The following CHSY3 variants were observed in gnomAD, a reference collection of about 807,000 sequenced individuals.
CHSY3 encodes the protein chondroitin sulfate synthase 3, also known as N-acetylgalactosaminyl-proteoglycan 3-beta-glucuronosyltransferase 3.
Under a neutral mutation model 67.2 loss-of-function variants are expected in CHSY3, and 35 were observed. The observed-to-expected ratio is 0.52, with a 90% CI of 0.40 to 0.69. CHSY3 has a LOEUF of 0.69. CHSY3 is among the 30% of genes least tolerant of loss of function. CHSY3 has a pLI of 0.00. For missense variants in CHSY3, 1,069 were observed against 1,138.5 expected, an observed-to-expected ratio of 0.94 and a Z score of 0.88; for synonymous variants, 474 against 434.7, an observed-to-expected ratio of 1.09 and a Z score of -1.12.
chr5:129,963,604 C>T (rs912846734), intron 2 of CHSY3, among the ~76,000 whole-genome samples: 40 of 151,968 alleles, frequency 2.6e-4, no homozygotes, highest in African/African-American at 8.9e-4. Flanking sequence ...GCAGTTAAAT[C>T]GACCTATTTT....
At chr5:130,177,239 A>G (rs1424689144) in intron 2 of CHSY3, among the ~76,000 whole-genome samples, 13 of 151,324 alleles carry the variant, frequency 8.6e-5, no homozygotes, top group African/African-American at 2.9e-4. Context: ...GTGTGTATAT[A>G]TATATATATG....
chr5:130,048,378 T>A (rs960031613), intron 2 of CHSY3, among the ~76,000 whole-genome samples: 22 of 152,036 alleles, frequency 1.4e-4, no homozygotes, highest in Admixed American at 6.6e-5. Context: ...CAAATATTTT[T>A]AATTTCTTTT....
At chr5:130,139,090 A>G (rs1299997271) in intron 2 of CHSY3, among the ~76,000 whole-genome samples, 3 of 152,212 alleles carry the variant, frequency 2.0e-5, no homozygotes, top group African/African-American at 7.2e-5. Context: ...AAGACAATGG[A>G]AAGTGTCTAA....
intron 2 of CHSY3, among the ~76,000 whole-genome samples, chr5:129,966,110 C>T (rs1302865963): frequency 6.6e-6 from 1 of 151,774 alleles, no homozygotes; most frequent in Non-Finnish European, 1.5e-5. Flanking sequence ...AGAAAAAGCA[C>T]CTTTAAAGTA....
intron 2 of CHSY3, among the ~76,000 whole-genome samples, chr5:130,078,507 G>A (rs1476833171): frequency 1.3e-5 from 2 of 152,068 alleles, no homozygotes; most frequent in Non-Finnish European, 2.9e-5. Flanking sequence ...ATATTTTAAA[G>A]ACTTACACGT....
At position 130,102,795 on chromosome 5, in the gene CHSY3, G is replaced by A. The variant is rs116807435; in HGVS notation, c.1087-81434G>A. Among the ~76,000 whole-genome samples the A allele has an allele frequency of 1.5e-3, 227 of 152,098 alleles. 2 individuals carry two copies. The highest frequency in any genetic ancestry group is 5.2e-3 in the African/African-American group (214 of 41,522). On this transcript the variant is annotated intron_variant, in intron 2 of 2. Coordinates refer to ENST00000305031, the MANE Select transcript of CHSY3 (RefSeq NM_175856.5). ...AGAAGAATAAGGGAATGGGGTACCA[G>A]GAATCTTCTGGTCCATGTTATTTCA...
At chr5:129,957,529 G>A (rs1244399213) in intron 2 of CHSY3, among the ~76,000 whole-genome samples, 1 of 152,106 alleles carries the variant, frequency 6.6e-6, no homozygotes, top group Non-Finnish European at 1.5e-5. Context: ...ATGAATGCCT[G>A]CAAGTATGAA....
At chr5:130,182,492 C>A (rs1460380954) in intron 2 of CHSY3, among the ~76,000 whole-genome samples, 1 of 151,864 alleles carries the variant, frequency 6.6e-6, no homozygotes, top group Non-Finnish European at 1.5e-5. Context: ...AGGTTCTTAA[C>A]TTTAACATAA....
At chr5:129,954,892 G>A (rs1465274203) in intron 2 of CHSY3, among the ~76,000 whole-genome samples, 1 of 151,860 alleles carries the variant, frequency 6.6e-6, no homozygotes, top group Non-Finnish European at 1.5e-5. Flanking sequence ...TTTTTGAGAT[G>A]GAGTCTCGCT....
intron 2 of CHSY3, among the ~76,000 whole-genome samples, chr5:130,001,182 C>T (rs1264300299): frequency 1.3e-5 from 2 of 152,026 alleles, no homozygotes; most frequent in African/African-American, 2.4e-5. Flanking sequence ...CCTGGCCCTG[C>T]CTTCTTTTTT....
chr5:130,176,544 G>C (rs866622759), intron 2 of CHSY3, among the ~76,000 whole-genome samples: 1 of 152,104 alleles, frequency 6.6e-6, no homozygotes, highest in Non-Finnish European at 1.5e-5. Context: ...ACATGCACAC[G>C]TATGTTTATT....
At chr5:130,174,250 A>C (rs190234858) in intron 2 of CHSY3, among the ~76,000 whole-genome samples, 2 of 152,118 alleles carry the variant, frequency 1.3e-5, no homozygotes, top group East Asian at 3.9e-4. Context: ...TCTCATATCT[A>C]AGAAGAGATA....
In CHSY3 at chr5:129,941,917, C is replaced by T. The variant is rs540900917; in HGVS notation, c.1086+33557C>T. 9.2e-5 allele frequency among the ~76,000 whole-genome samples: 14 copies of T among 152,254 alleles called. No homozygotes were observed. In the South Asian group the frequency reaches 2.3e-3, roughly 25 times the overall value. On this transcript the variant is annotated intron_variant, in intron 2 of 2. Coordinates refer to ENST00000305031, the MANE Select transcript of CHSY3 (RefSeq NM_175856.5). ...TTGGATTTGATTAATTTGCTAGAAT[C>T]GCTCACAGAACTCAGGGAAATGTAT...
At chr5:129,908,398 C>T in intron 2 of CHSY3, 38 bp downstream of exon 2, 1 of 1,597,032 alleles carries the variant, frequency 6.3e-7, no homozygotes, top group Non-Finnish European at 8.6e-7. Flanking sequence ...TCACATAGTA[C>T]ATATACATGC....
intron 2 of CHSY3, among the ~76,000 whole-genome samples, chr5:129,951,519 CT>C (rs1762022141): frequency 6.6e-6 from 1 of 152,076 alleles, no homozygotes; most frequent in African/African-American, 2.4e-5. Flanking sequence ...CTGTAAATTG[CT>C]TTTTTTAAAT....
At position 129,904,868 on chromosome 5, in the gene CHSY3, A is replaced by T; in HGVS notation, c.39A>T (p.Ala13=). 6.7e-7 allele frequency: 1 copy of T among 1,496,272 alleles called. No homozygotes were observed. The highest frequency in any genetic ancestry group is 1.3e-5 in the South Asian group (1 of 79,854). 92.7% of individuals were successfully genotyped at this position (1,496,272 alleles called of 1,614,324 possible). ...CTCGCCGCCCGTGGATGAGCGTGGCATTAGGGCTGGTGCTGGGCTTCACCG... is the reference window on the plus strand; with the variant it reads ...CTCGCCGCCCGTGGATGAGCGTGGCTTTAGGGCTGGTGCTGGGCTTCACCG... ...VRSRRPWMSV[A]LGLVLGFTAA... The change falls in exon 1 of 3, where the codon GCA becomes GCT. Residue 13 remains alanine, a synonymous_variant. Coordinates refer to ENST00000305031, the MANE Select transcript of CHSY3 (RefSeq NM_175856.5).
chr5:130,025,040 T>C (rs777943315), intron 2 of CHSY3, among the ~76,000 whole-genome samples: 5 of 152,104 alleles, frequency 3.3e-5, no homozygotes, highest in African/African-American at 7.2e-5. Flanking sequence ...TAGTGGAAAA[T>C]AGAAAGTTCT....
At chr5:129,911,600 CAT>C (rs1760552728) in intron 2 of CHSY3, among the ~76,000 whole-genome samples, 1 of 152,152 alleles carries the variant, frequency 6.6e-6, no homozygotes, top group African/African-American at 2.4e-5. Context: ...AACATGGATT[CAT>C]ATATTTCACT....
intron 2 of CHSY3, among the ~76,000 whole-genome samples, chr5:130,134,648 A>C: frequency 6.6e-6 from 1 of 152,130 alleles, no homozygotes; most frequent in East Asian, 1.9e-4. Flanking sequence ...TGCTACACTG[A>C]TTATTTAAGA....
Sources: allele counts gnomAD v4.1 joint callset (sites outside exome capture counted in the v4.1 genomes callset), GRCh38; gene constraint gnomAD v4.1.1; transcripts MANE v1.5; gene names NCBI Gene and HGNC (gene_info 2026-07-23, HGNC 2026-07-21).